TNS1: variants seen among roughly 807,000 people sequenced by gnomAD.
TNS1 encodes tensin-1.
Under a neutral mutation model 168.6 loss-of-function variants are expected in TNS1, and 62 were observed. The observed-to-expected ratio is 0.37, with a 90% CI of 0.30 to 0.45. TNS1 has a LOEUF of 0.45. Among genes scored for constraint, TNS1 ranks in the 20% least tolerant of loss-of-function variants. The pLI, the probability that TNS1 is intolerant of heterozygous loss-of-function variation, is 1.00. For missense variants in TNS1, 2,240 were observed against 2,339.4 expected, an observed-to-expected ratio of 0.96 and a Z score of 0.88; for synonymous variants, 934 against 933.2, an observed-to-expected ratio of 1.00 and a Z score of -0.02.
chr2:217,950,810 G>A (rs188376938), intron 3 of TNS1, among the ~76,000 whole-genome samples: 19 of 151,036 alleles, frequency 1.3e-4, no homozygotes, highest in Non-Finnish European at 2.4e-4. Context: ...ACTCTTCTGC[G>A]CAGCACCTTC....
At position 217,818,375 on chromosome 2, in the gene TNS1, G is replaced by A. The variant is rs202238366; in HGVS notation, c.3957C>T (p.His1319=). 1.2e-6 allele frequency: 2 copies of A among 1,614,200 alleles called. No homozygotes were observed. The highest frequency in any genetic ancestry group is 1.7e-6 in the Non-Finnish European group (2 of 1,180,038). Residue 1319 remains histidine, a synonymous_variant, in exon 24 of 33, where the codon CAC becomes CAT. Transcript: ENST00000682258. ...CAGTGCCTGGTGGACCCATCATCTG[G>A]TGATGGCTCAAACTGGGACTGCTGG... ...AAPSSPSLSH[H]QMMGPPGTGF...
chr2:217,847,988 G>C lies in TNS1; in HGVS notation c.2529C>G (p.Asp843Glu), dbSNP rs373809671. ...SIETLNMLML[D>E]LEPASAAAPL... is the part of the protein sequence containing the mutation. ...GGGCAGCAGCGGAGGCTGGCTCCAGGTCCAGCATCAGCATATTGAGTGTTT... is the reference window on the plus strand; with the variant it reads ...GGGCAGCAGCGGAGGCTGGCTCCAGCTCCAGCATCAGCATATTGAGTGTTT... Residue 843 changes from aspartate to glutamate, a missense_variant, in exon 19 of 33, where the codon GAC becomes GAG. Asp to Glu is a conservative substitution (Grantham distance 45). Around this residue, in one of 2 missense-constraint regions of TNS1, gnomAD observed 2,131 missense variants for 2,171.2 expected, o/e 0.98. Coordinates refer to ENST00000682258, the MANE Select transcript of TNS1 (RefSeq NM_001387777.1). 1 of 1,511,266 alleles carries C rather than the reference G, an allele frequency of 6.6e-7. No individual in the cohort carries two copies. The highest frequency in any genetic ancestry group is 1.4e-5 in the African/African-American group (1 of 71,874). The allele number at this position is 1,511,266 out of a possible 1,614,324, so 93.6% of individuals were successfully genotyped here.
At chr2:218,022,967 C>T (rs1958821892) in intron 1 of TNS1, among the ~76,000 whole-genome samples, 1 of 152,282 alleles carries the variant, frequency 6.6e-6, no homozygotes, top group Non-Finnish European at 1.5e-5. Flanking sequence ...CAGGCCCAAC[C>T]CCACCCCAAC....
intron 3 of TNS1, among the ~76,000 whole-genome samples, chr2:217,929,691 C>A (rs1956217376): frequency 7.1e-6 from 1 of 141,136 alleles, no homozygotes; most frequent in African/African-American, 2.6e-5. Flanking sequence ...CCTCCCTCAG[C>A]CCTCCACCCC....
intron 3 of TNS1, among the ~76,000 whole-genome samples, chr2:217,956,825 G>T (rs1321180029): frequency 2.0e-5 from 3 of 152,200 alleles, no homozygotes; most frequent in Non-Finnish European, 4.4e-5. Context: ...CTGGGAAGAG[G>T]ACCTATGTGT....
chr2:217,967,131 A>AAC lies in TNS1; in HGVS notation c.186+11632_186+11633dup, dbSNP rs576957441. Among the ~76,000 whole-genome samples the AAC allele has an allele frequency of 7.5e-4, 114 of 152,216 alleles. 1 individual carries two copies. Among genetic ancestry groups the AAC allele is most frequent in the African/African-American group, 1.9e-3 (78 of 41,554 alleles). On this transcript the variant is annotated intron_variant, in intron 3 of 32. Transcript: ENST00000682258. ...TCAGGAGATCGAGATCATCCTGGCT[A>AAC]ACACGGTGAAACCCCATCTCTACTA...
At chr2:217,978,885 C>T in intron 2 of TNS1, 83 bp from the exon 3 acceptor site, 3 of 697,748 alleles carry the variant, frequency 4.3e-6, no homozygotes, top group Non-Finnish European at 7.9e-6. Context: ...CCCACCCCAG[C>T]CCGCAATCCG....
intron 1 of TNS1, among the ~76,000 whole-genome samples, chr2:218,020,497 C>T (rs1472056994): frequency 6.9e-6 from 1 of 145,570 alleles, no homozygotes; most frequent in Non-Finnish European, 1.5e-5. Context: ...GACCCCTGAG[C>T]TGCCTGGGGA....
At chr2:217,990,905 G>A in intron 2 of TNS1, 37 bp downstream of exon 2, 1 of 575,602 alleles carries the variant, frequency 1.7e-6, no homozygotes, top group South Asian at 2.1e-5. Flanking sequence ...TCCCCTGATG[G>A]GTGCTCCCAT....
intron 18 of TNS1, among the ~76,000 whole-genome samples, chr2:217,870,230 A>G (rs10204348): frequency 0.5 from 75,339 of 152,106 alleles, 19,849 homozygotes; most frequent in East Asian, 0.69. Flanking sequence ...CACGGGCTGC[A>G]GGGCAGAGTG....
chr2:217,971,059 T>C (rs1957763892), intron 3 of TNS1, among the ~76,000 whole-genome samples: 1 of 152,200 alleles, frequency 6.6e-6, no homozygotes, highest in Admixed American at 6.5e-5. Flanking sequence ...GAAGTGCACA[T>C]GGGAAATGTT....
At chr2:217,829,895 G>A (rs371753686) in intron 22 of TNS1, 98 of 1,613,928 alleles carry the variant, frequency 6.1e-5, no homozygotes, top group Non-Finnish European at 7.3e-5. Context: ...GAGGGAAGAC[G>A]AGAAGAGAGG....
At chr2:217,865,717 G>A (rs1157744789) in intron 18 of TNS1, among the ~76,000 whole-genome samples, 1 of 152,176 alleles carries the variant, frequency 6.6e-6, no homozygotes, top group Non-Finnish European at 1.5e-5. Context: ...AATGGCCCAG[G>A]GATTGAACAA....
intron 3 of TNS1, among the ~76,000 whole-genome samples, chr2:217,939,993 A>T (rs1029325209): frequency 3.3e-5 from 5 of 152,248 alleles, no homozygotes; most frequent in Non-Finnish European, 5.9e-5. Context: ...GGAAGGAAAG[A>T]GGGAAGGGCC....
chr2:218,008,180 A>G (rs1225113835), intron 1 of TNS1, among the ~76,000 whole-genome samples: 1 of 152,112 alleles, frequency 6.6e-6, no homozygotes, highest in Non-Finnish European at 1.5e-5. Flanking sequence ...CCCAATCCCA[A>G]CAATGCTTAA....
chr2:217,862,670 AAGGGAAG>A (rs1948892538), intron 18 of TNS1, among the ~76,000 whole-genome samples: 1 of 137,504 alleles, frequency 7.3e-6, no homozygotes, highest in South Asian at 2.6e-4. Context: ...CAAGTCAGCG[AAGGGAAG>A]AGTTTCCCAC....
chr2:217,915,705 G>A (rs181514763), intron 4 of TNS1, among the ~76,000 whole-genome samples: 101 of 152,294 alleles, frequency 6.6e-4, no homozygotes, highest in Admixed American at 1.2e-3. Context: ...AGCAAGCACC[G>A]AGGGCAGCCT....
chr2:218,015,473 C>T (rs1237899388), intron 1 of TNS1, among the ~76,000 whole-genome samples: 2 of 152,176 alleles, frequency 1.3e-5, no homozygotes, highest in African/African-American at 2.4e-5. Context: ...TGATCTCTGA[C>T]AGGCAGGAAG....
intron 32 of TNS1, among the ~76,000 whole-genome samples, chr2:217,806,045 T>C (rs991205776): frequency 6.6e-6 from 1 of 152,156 alleles, no homozygotes; most frequent in Non-Finnish European, 1.5e-5. Flanking sequence ...CACCTCCCTT[T>C]CCCAGCTGGC....
Sources: gnomAD v4.1 joint callset for allele counts (sites outside exome capture counted in the v4.1 genomes callset) on GRCh38, gnomAD v4.1.1 for gene constraint, gnomAD v4.1.1 regional missense constraint, MANE v1.5 for transcripts, NCBI Gene and HGNC (gene_info 2026-07-23, HGNC 2026-07-21) for gene names.